Variants in ITPR1 observed in about 807,000 individuals in gnomAD.
ITPR1 encodes inositol 1,4,5-trisphosphate-gated calcium channel ITPR1.
ITPR1 carries 96 observed loss-of-function variants against 318.4 expected under a neutral mutation model. The ratio of observed to expected loss-of-function variants is 0.30; its 90% confidence interval spans 0.26 to 0.36. ITPR1 has a LOEUF of 0.36. Among genes scored for constraint, ITPR1 ranks in the 10% least tolerant of loss-of-function variants. ITPR1 has a pLI of 1.00. For missense variants in ITPR1, 2,440 were observed against 3,460.2 expected, an observed-to-expected ratio of 0.71 and a Z score of 7.40; for synonymous variants, 1,312 against 1,289.9, an observed-to-expected ratio of 1.02 and a Z score of -0.37.
rs371864377 is a variant in ITPR1 at position 4,710,306 on chromosome 3, G to T, written c.4843-19G>T. 1.0e-5 allele frequency: 16 copies of T among 1,529,680 alleles called. No homozygotes were observed. The African/African-American group carries it at 2.2e-4, about 21-fold the overall frequency. The allele number at this position is 1,529,680 out of a possible 1,614,324, so 94.8% of individuals were successfully genotyped here. A position where few individuals can be genotyped will look rare whatever the true frequency, so the allele number is the denominator to read the frequency against. ...AGCGTCTGCCTGAGCCGTTGACTGA[G>T]GCTGTGTTTCCGTTTTAGGACATCG... is the stretch of plus-strand genomic sequence containing the variant. On this transcript the variant is annotated intron_variant, in intron 37 of 61. Transcript: ENST00000649015. The surrounding 1 kb of genome is among the most constrained non-coding windows in gnomAD (Gnocchi z 4.2).
At chr3:4,526,726 G>T (rs1456421708) in intron 4 of ITPR1, among the ~76,000 whole-genome samples, 1 of 152,152 alleles carries the variant, frequency 6.6e-6, no homozygotes, top group Non-Finnish European at 1.5e-5. Context: ...TAAGAAGTTG[G>T]GTAACTTGCC....
chr3:4,621,051 C>A (rs1474727547), intron 4 of ITPR1, among the ~76,000 whole-genome samples: 1 of 151,962 alleles, frequency 6.6e-6, no homozygotes, highest in Non-Finnish European at 1.5e-5. Flanking sequence ...CTAAGCAGAG[C>A]CAAAATTAAA....
Position 4,603,338 on chromosome 3 carries a change from G to T in ITPR1, c.164-24425G>T, listed in dbSNP as rs142099264. On this transcript the variant is annotated intron_variant, in intron 4 of 61. Transcript: ENST00000649015. ...GGTTTGGGGTATGAATGATCACCCA[G>T]GTTGTGAGCATAGCACCCAATAGGT... Among the ~76,000 whole-genome samples the T allele has an allele frequency of 9.5e-4, 144 of 152,252 alleles. 1 individual carries two copies. Among genetic ancestry groups the T allele is most frequent in the African/African-American group, 3.2e-3 (135 of 41,552 alleles).
chr3:4,557,294 T>C (rs2086224719), intron 4 of ITPR1, among the ~76,000 whole-genome samples: 1 of 152,114 alleles, frequency 6.6e-6, no homozygotes, highest in South Asian at 2.1e-4. Context: ...GCAGGGGAAC[T>C]CTCCTTTATA....
At chr3:4,582,597 T>G (rs1266524776) in intron 4 of ITPR1, among the ~76,000 whole-genome samples, 1 of 152,234 alleles carries the variant, frequency 6.6e-6, no homozygotes, top group African/African-American at 2.4e-5. Context: ...GTTGACCATG[T>G]TGCATGAAAA....
Position 4,831,058 on chromosome 3 carries a change from C to T in ITPR1, c.8029-5716C>T, listed in dbSNP as rs766715409. On this transcript the variant is annotated intron_variant, in intron 60 of 61. Coordinates refer to ENST00000649015, the MANE Select transcript of ITPR1 (RefSeq NM_001378452.1). ...AAATACCCCACTTCTCAGAATGATT[C>T]GCATTTGCATCATACAATCCAACTT... The T allele has an allele frequency of 4.6e-5, 21 of 455,882 alleles. No homozygotes were observed. In the Middle Eastern group the frequency reaches 9.7e-4, roughly 21 times the overall value. The allele number at this position is 455,882 out of a possible 1,614,324, so 28.2% of individuals were successfully genotyped here.
intron 4 of ITPR1, among the ~76,000 whole-genome samples, chr3:4,543,368 A>C (rs1169042943): frequency 6.6e-6 from 1 of 152,140 alleles, no homozygotes; most frequent in Admixed American, 6.6e-5. Context: ...TAGGCTGGGG[A>C]CTTGGATTAC....
chr3:4,696,837 T>TA (rs542435035), intron 33 of ITPR1, among the ~76,000 whole-genome samples: 270 of 152,316 alleles, frequency 1.8e-3, no homozygotes, highest in Middle Eastern at 3.4e-3. Flanking sequence ...TGGGCCCATT[T>TA]ACCTCTTGAA....
Position 4,710,436 on chromosome 3 carries a change from G to T in ITPR1, c.4954G>T (p.Ala1652Ser). The change falls in exon 38 of 62, where the codon GCC (alanine) becomes TCC (serine). Residue 1652 changes from alanine (A) to serine (S), a missense_variant. Transcript: ENST00000649015. The surrounding 1 kb of genome is among the most constrained non-coding windows in gnomAD (Gnocchi z 4.2). Reference protein sequence around the residue: ...PELLFPENTDARRKCESGGFI... With the variant: ...PELLFPENTDSRRKCESGGFI... The stretch of plus-strand genomic sequence containing the variant: ...GCTGCTTTTCCCAGAGAACACAGAC[G>T]CCAGAAGGAAATGTGAAAGTGGCGG... The T allele has an allele frequency of 1.3e-6, 2 of 1,554,130 alleles. No individual in the cohort carries two copies. The highest frequency in any genetic ancestry group is 1.2e-5 in the South Asian group (1 of 84,168).
intron 4 of ITPR1, among the ~76,000 whole-genome samples, chr3:4,536,996 A>T (rs2083932796): frequency 6.6e-6 from 1 of 152,214 alleles, no homozygotes; most frequent in African/African-American, 2.4e-5. Context: ...CATGAAGGAC[A>T]GGAGTGCAGC....
chr3:4,726,276 C>T (rs574784423), intron 41 of ITPR1, among the ~76,000 whole-genome samples: 2 of 151,700 alleles, frequency 1.3e-5, no homozygotes, highest in African/African-American at 2.4e-5. Context: ...GTGATCCACC[C>T]GCCTCAGCCT....
chr3:4,806,040 G>T (rs979826829), intron 54 of ITPR1, 63 bp from the exon 55 acceptor site: 8 of 1,374,396 alleles, frequency 5.8e-6, no homozygotes, highest in Non-Finnish European at 8.0e-6. Context: ...AGATGCTCTC[G>T]TTGCTCTCAT....
intron 26 of ITPR1, among the ~76,000 whole-genome samples, chr3:4,682,628 G>C (rs562935811): frequency 1.4e-4 from 22 of 152,204 alleles, no homozygotes; most frequent in Non-Finnish European, 2.2e-4. Flanking sequence ...GCATAATACA[G>C]GTTCCATGTG....
chr3:4,521,291 T>A (rs1336739622), intron 4 of ITPR1, among the ~76,000 whole-genome samples, 197 bp downstream of exon 4: 1 of 152,234 alleles, frequency 6.6e-6, no homozygotes, highest in African/African-American at 2.4e-5. Flanking sequence ...GGTTGGCTTT[T>A]ACTGGGTCCT....
chr3:4,495,853 TG>T (rs2080517994), intron 2 of ITPR1, among the ~76,000 whole-genome samples: 1 of 152,042 alleles, frequency 6.6e-6, no homozygotes, highest in Non-Finnish European at 1.5e-5. Flanking sequence ...ATGCTGGTGG[TG>T]AGAGGGAAGC....
intron 53 of ITPR1, among the ~76,000 whole-genome samples, chr3:4,795,568 A>C (rs2047845099): frequency 6.6e-6 from 1 of 152,234 alleles, no homozygotes; most frequent in Non-Finnish European, 1.5e-5. Context: ...CTTGATGCTC[A>C]GTCCAGTATA....
chr3:4,536,672 A>C (rs1199040452), intron 4 of ITPR1, among the ~76,000 whole-genome samples: 1 of 152,204 alleles, frequency 6.6e-6, no homozygotes. Context: ...CCATCAGATC[A>C]CTGTGCCCAA....
At chr3:4,646,220 A>G (rs2093453006) in intron 10 of ITPR1, among the ~76,000 whole-genome samples, 1 of 152,226 alleles carries the variant, frequency 6.6e-6, no homozygotes, top group Non-Finnish European at 1.5e-5. Context: ...TAACTGGAAC[A>G]CACAAGGGGA....
chr3:4,702,219 T>G (rs1356991703), intron 35 of ITPR1, among the ~76,000 whole-genome samples: 1 of 152,224 alleles, frequency 6.6e-6, no homozygotes, highest in East Asian at 1.9e-4. Context: ...GGAATAAATC[T>G]TCTCATGTAA....
Sources: allele counts gnomAD v4.1 joint callset (sites outside exome capture counted in the v4.1 genomes callset), GRCh38; gene constraint gnomAD v4.1.1; non-coding constraint Gnocchi (gnomAD v3.1); transcripts MANE v1.5; gene names NCBI Gene and HGNC (gene_info 2026-07-23, HGNC 2026-07-21).